WWOX: variants seen among roughly 807,000 people sequenced by gnomAD.
The protein encoded by WWOX is WW domain-containing oxidoreductase.
A neutral mutation model predicts 46.2 loss-of-function variants in WWOX; 69 were observed. The ratio of observed to expected loss-of-function variants is 1.49; its 90% CI spans 1.23 to 1.82. The LOEUF is 1.82. WWOX is among the 40% of genes most tolerant of loss of function. The pLI is 0.00. For synonymous variants in WWOX, 359 were observed against 202.6 expected, an observed-to-expected ratio of 1.77 and a Z score of -6.56; for missense variants, 919 against 542.6, an observed-to-expected ratio of 1.69 and a Z score of -6.89.
intron 8 of WWOX, chr16:78,757,063 T>G (rs1237657932): frequency 2.8e-6 from 2 of 702,124 alleles, no homozygotes; most frequent in South Asian, 3.0e-5. Flanking sequence ...AGTTAAGCCT[T>G]GAGGTGATTG....
At chr16:78,256,391 C>T (rs920704070) in intron 5 of WWOX, among the ~76,000 whole-genome samples, 19 of 151,974 alleles carry the variant, frequency 1.3e-4, no homozygotes, top group Non-Finnish European at 5.9e-5. Context: ...TCTGACCCTA[C>T]CTTCCAGCTT....
Position 78,351,896 on chromosome 16 carries a change from A to G in WWOX, c.517-34964A>G, listed in dbSNP as rs562315696. On this transcript the variant is annotated intron_variant, in intron 5 of 8. Transcript: ENST00000566780. ...GGTCTCAAACTCGTGACCTTAGGTG[A>G]TATGCGCCCCTCAGCCTCCCAAAGT... Among the ~76,000 whole-genome samples the G allele has an allele frequency of 2.1e-3, 324 of 152,278 alleles. 10 individuals are homozygous for G. The highest frequency in any genetic ancestry group is 0.018 in the Admixed American group (276 of 15,292).
chr16:78,867,230 T>G (rs2044023507), intron 8 of WWOX, among the ~76,000 whole-genome samples: 1 of 152,156 alleles, frequency 6.6e-6, no homozygotes, highest in South Asian at 2.1e-4. Context: ...GCAAGAAGTT[T>G]AGGTGCAAAG....
At chr16:78,570,000 T>A (rs916386327) in intron 8 of WWOX, among the ~76,000 whole-genome samples, 1 of 152,204 alleles carries the variant, frequency 6.6e-6, no homozygotes, top group Non-Finnish European at 1.5e-5. Context: ...TGCAGTGGGA[T>A]GGTTATCGGA....
At chr16:78,237,531 A>C (rs2037482454) in intron 5 of WWOX, 1 of 152,116 alleles carries the variant, frequency 6.6e-6, no homozygotes, top group Non-Finnish European at 1.5e-5. Context: ...ACTCTGGGGA[A>C]TCACCAGTGG....
chr16:79,098,705 C>G (rs756762035), intron 8 of WWOX, among the ~76,000 whole-genome samples: 1 of 152,184 alleles, frequency 6.6e-6, no homozygotes, highest in Non-Finnish European at 1.5e-5. Context: ...GTCTACTAGG[C>G]AGGTCAACAT....
At chr16:79,111,187 C>T (rs996964696) in intron 8 of WWOX, among the ~76,000 whole-genome samples, 2 of 152,170 alleles carry the variant, frequency 1.3e-5, no homozygotes, top group Non-Finnish European at 2.9e-5. Flanking sequence ...GTAAGTATCT[C>T]TTATTCGTGC....
chr16:79,068,545 T>G (rs149673068), intron 8 of WWOX, among the ~76,000 whole-genome samples: 189 of 152,184 alleles, frequency 1.2e-3, no homozygotes, highest in African/African-American at 4.4e-3. Flanking sequence ...GGCTCATGCC[T>G]GTAATCTCAA....
chr16:78,284,587 G>A (rs1433619820), intron 5 of WWOX, among the ~76,000 whole-genome samples: 1 of 152,152 alleles, frequency 6.6e-6, no homozygotes, highest in Non-Finnish European at 1.5e-5. Context: ...CATCTTTGAG[G>A]TGTTTGCAGA....
rs75191241 is a variant in WWOX, at chr16:78,905,662, C to G, written c.1057-305946C>G. Among the ~76,000 whole-genome samples, 1,232 of 152,276 alleles carry G rather than the reference C, an allele frequency of 8.1e-3. 21 individuals carry two copies. Among genetic ancestry groups the G allele is most frequent in the African/African-American group, 0.028 (1,175 of 41,538 alleles). ...CCTTCCAAAGTGCTGGGATTAGATGCATGAGCCACCTGGCCCAGCCAGAAT... is the reference window on the plus strand; with the variant it reads ...CCTTCCAAAGTGCTGGGATTAGATGGATGAGCCACCTGGCCCAGCCAGAAT... On this transcript the variant is annotated intron_variant, in intron 8 of 8. Transcript: ENST00000566780.
At chr16:78,907,832 A>G (rs901177172) in intron 8 of WWOX, among the ~76,000 whole-genome samples, 3 of 152,136 alleles carry the variant, frequency 2.0e-5, no homozygotes, top group Non-Finnish European at 2.9e-5. Flanking sequence ...AGGAATCCTC[A>G]CCAGCCCCGC....
intron 5 of WWOX, among the ~76,000 whole-genome samples, chr16:78,318,018 C>A (rs926863871): frequency 6.6e-6 from 1 of 152,074 alleles, no homozygotes; most frequent in African/African-American, 2.4e-5. Context: ...GTATTTGGAC[C>A]GCTGCCTGCT....
chr16:78,870,648 C>A (rs1243448147), intron 8 of WWOX, among the ~76,000 whole-genome samples: 1 of 152,150 alleles, frequency 6.6e-6, no homozygotes, highest in Non-Finnish European at 1.5e-5. Context: ...GTTGCCCAGG[C>A]TGGAGTGCGG....
At chr16:78,772,637 T>C (rs771346538) in intron 8 of WWOX, among the ~76,000 whole-genome samples, 5 of 152,226 alleles carry the variant, frequency 3.3e-5, no homozygotes, top group Admixed American at 3.3e-4. Context: ...CCAGCATGGC[T>C]ACTACTAGCT....
intron 8 of WWOX, chr16:78,535,622 T>A (rs555068799): frequency 6.6e-6 from 1 of 152,246 alleles, no homozygotes; most frequent in African/African-American, 2.4e-5. Flanking sequence ...CCTTGGCTGA[T>A]ACCTTCTGAC....
At chr16:78,107,211 C>T (rs2032200649) in intron 1 of WWOX, among the ~76,000 whole-genome samples, 2 of 152,134 alleles carry the variant, frequency 1.3e-5, no homozygotes, top group African/African-American at 4.8e-5. Flanking sequence ...CTTCGAATAC[C>T]TCTTGTAGCA....
chr16:78,880,724 G>A (rs1484568503), intron 8 of WWOX, among the ~76,000 whole-genome samples: 1 of 152,184 alleles, frequency 6.6e-6, no homozygotes, highest in Non-Finnish European at 1.5e-5. Flanking sequence ...AAGTGTGAGT[G>A]ACTATTTTTT....
At chr16:79,139,601 T>C (rs575007138) in intron 8 of WWOX, among the ~76,000 whole-genome samples, 254 of 152,304 alleles carry the variant, frequency 1.7e-3, no homozygotes, top group African/African-American at 5.9e-3. Flanking sequence ...TCTTTTTCTT[T>C]CTTTCTTTCT....
rs559514817 is a variant in WWOX at position 78,895,010 on chromosome 16, G to A, written c.1057-316598G>A. ...CAGAAGCTGGAGATCCCATCATGCCGCCGGGCACCGGTTTACGAGAACTCT... is the reference window on the plus strand; with the variant it reads ...CAGAAGCTGGAGATCCCATCATGCCACCGGGCACCGGTTTACGAGAACTCT... On this transcript the variant is annotated intron_variant, in intron 8 of 8. Transcript: ENST00000566780. Among the ~76,000 whole-genome samples, 4 of 152,232 alleles carry A rather than the reference G, an allele frequency of 2.6e-5. 1 individual carries two copies. In the East Asian group the frequency reaches 5.8e-4, roughly 22 times the overall value.
Sources: allele counts gnomAD v4.1 joint callset (sites outside exome capture counted in the v4.1 genomes callset), GRCh38; gene constraint gnomAD v4.1.1; transcripts MANE v1.5; gene names NCBI Gene and HGNC (gene_info 2026-07-23, HGNC 2026-07-21).